FAAP20: variants seen among roughly 807,000 people sequenced by gnomAD.
FAAP20 encodes the protein Fanconi anemia core complex-associated protein 20.
A neutral mutation model predicts 16.2 loss-of-function variants in FAAP20; 12 were observed. That is an observed-to-expected ratio of 0.74 (90% CI 0.48 to 1.20). The LOEUF is 1.20. Among genes scored for constraint, FAAP20 ranks in the 50% most tolerant of loss-of-function variants. The pLI, the probability that FAAP20 is intolerant of heterozygous loss-of-function variation, is 0.00. For missense variants in FAAP20, 288 were observed against 245.8 expected (o/e 1.17, Z -1.15); for synonymous variants, 141 against 110.7 (o/e 1.27, Z -1.72).
upstream of FAAP20, chr1:2,198,792 T>C: frequency 7.8e-7 from 1 of 1,289,446 alleles, no homozygotes; most frequent in Admixed American, 2.3e-5. Flanking sequence ...GGCAGCCTTC[T>C]GACGCAGCCA....
chr1:2,189,487 T>C, downstream of FAAP20: 1 of 589,616 alleles, frequency 1.7e-6, no homozygotes, highest in East Asian at 2.8e-5. Context: ...CTGTGTCTGG[T>C]TCTGATTGCA....
chr1:2,211,145 T>C (rs1187545347), downstream of FAAP20, among the ~76,000 whole-genome samples: 1 of 151,942 alleles, frequency 6.6e-6, no homozygotes, highest in African/African-American at 2.4e-5. Context: ...ACTCTGGCCA[T>C]CTGTGGGCTC....
At chr1:2,187,102 G>T, downstream of FAAP20, 4 of 459,090 alleles carry the variant, frequency 8.7e-6, no homozygotes, top group Admixed American at 2.5e-5. Context: ...CGTGGGCGTG[G>T]TGCGGGGCAA....
At chr1:2,209,477 T>C (rs1689375820), downstream of FAAP20, among the ~76,000 whole-genome samples, 2 of 152,206 alleles carry the variant, frequency 1.3e-5, no homozygotes, top group African/African-American at 2.4e-5. Context: ...TAGGGAGGCA[T>C]GTAGTCAACT....
chr1:2,184,855 G>T, downstream of FAAP20: 1 of 1,467,294 alleles, frequency 6.8e-7, no homozygotes. Flanking sequence ...ATGCGAACGT[G>T]ACTCCGCTTC....
At chr1:2,211,169 C>T (rs1689423310), downstream of FAAP20, among the ~76,000 whole-genome samples, 1 of 151,718 alleles carries the variant, frequency 6.6e-6, no homozygotes, top group African/African-American at 2.4e-5. Flanking sequence ...GGGCCCCTGC[C>T]GCCATGCCAC....
chr1:2,186,384 G>C, downstream of FAAP20: 1 of 175,148 alleles, frequency 5.7e-6, no homozygotes, highest in Middle Eastern at 2.7e-3. Flanking sequence ...TCCGTGCCTG[G>C]CGCTCAGCAC....
chr1:2,199,239 C>T (rs571859213), upstream of FAAP20: 4 of 1,154,404 alleles, frequency 3.5e-6, no homozygotes, highest in Non-Finnish European at 4.3e-6. This position sits in a 1 kb window ranked among gnomAD's most constrained non-coding sequence, Gnocchi z 4.5. Flanking sequence ...TCCCCAGCAC[C>T]CCTTCAAGCA....
rs2100687922 is a variant in FAAP20, at chr1:2,193,800, C to G, written c.309G>C (p.Leu103=). Residue 103 remains leucine, a synonymous_variant, in exon 3 of 4, where the codon CTG becomes CTC. Coordinates refer to ENST00000378546, the MANE Select transcript of FAAP20 (RefSeq NM_182533.4). ...CCAGGTGCCCTCCTGCCCCGTGAAGCAGCCGGTAGGAACGGCCCGGGCCCC... is the reference window on the plus strand; with the variant it reads ...CCAGGTGCCCTCCTGCCCCGTGAAGGAGCCGGTAGGAACGGCCCGGGCCCC... The part of the protein sequence containing the change: ...DLWGPGRSYR[L]LHGAGGHLES... 1 of 1,603,776 alleles carries G rather than the reference C, an allele frequency of 6.2e-7. No individual in the cohort carries two copies. The highest frequency in any genetic ancestry group is 1.3e-5 in the African/African-American group (1 of 74,290).
downstream of FAAP20, chr1:2,185,115 G>A (rs2100599493): frequency 2.7e-6 from 3 of 1,126,034 alleles, no homozygotes; most frequent in South Asian, 2.8e-5. Context: ...GGCGGCCAGG[G>A]ACAGACGCTT....
At chr1:2,201,944 G>T (rs1402014445), upstream of FAAP20, among the ~76,000 whole-genome samples, 1 of 151,124 alleles carries the variant, frequency 6.6e-6, no homozygotes, top group East Asian at 1.9e-4. Flanking sequence ...GTGAACCCGG[G>T]AGGCGGAGCT....
chr1:2,189,026 AAAC>A (rs1687864258), downstream of FAAP20, among the ~76,000 whole-genome samples: 4 of 144,848 alleles, frequency 2.8e-5, no homozygotes, highest in African/African-American at 7.7e-5. Context: ...AAAAAAAAAA[AAAC>A]AAAAAGAACG....
At chr1:2,189,404 C>G, downstream of FAAP20, 1 of 419,944 alleles carries the variant, frequency 2.4e-6, no homozygotes, top group Non-Finnish European at 4.4e-6. Flanking sequence ...GTTAGGAAAA[C>G]GAGCTACCCT....
Position 2,190,602 on chromosome 1 carries a change from G to A in FAAP20, c.471-821C>T, listed in dbSNP as rs1056643900. 6 of 357,688 alleles carry A rather than the reference G, an allele frequency of 1.7e-5. No individual in the cohort carries two copies. In the East Asian group the frequency reaches 2.2e-4, roughly 13 times the overall value. The allele number at this position is 357,688 out of a possible 1,614,324, so 22.2% of individuals were successfully genotyped here. On this transcript the variant is annotated intron_variant, in intron 3 of 3. Transcript: ENST00000378546. ...TTGACTTCCGGCCATGACTCCCGGA[G>A]AGTGCCGGAGCTGGCGTGCTCAGCA... is the stretch of plus-strand genomic sequence containing the variant.
At chr1:2,187,328 A>G (rs953043471), downstream of FAAP20, 10 of 374,306 alleles carry the variant, frequency 2.7e-5, no homozygotes, top group Middle Eastern at 9.0e-4. Flanking sequence ...TTTTTGAGAC[A>G]GAGTATTACT....
chr1:2,189,018 A>AG (rs1178930653), downstream of FAAP20, among the ~76,000 whole-genome samples: 10 of 141,560 alleles, frequency 7.1e-5, no homozygotes, highest in African/African-American at 1.9e-4. Context: ...AAAGAAAAAA[A>AG]AAAAAAAAAA....
chr1:2,189,410 A>AC (rs1215539867), downstream of FAAP20: 2 of 464,430 alleles, frequency 4.3e-6, no homozygotes, highest in East Asian at 3.8e-5. Context: ...AAAACGAGCT[A>AC]CCCTCAGCCC....
intron 3 of FAAP20, chr1:2,192,295 C>G (rs1273772508): frequency 1.8e-5 from 18 of 986,398 alleles, no homozygotes; most frequent in Non-Finnish European, 2.2e-5. Flanking sequence ...TCCAAAGTAC[C>G]GGCTCTCCCT....
chr1:2,193,505 C>T (rs557015145), intron 3 of FAAP20, 134 bp downstream of exon 3: 3 of 1,380,380 alleles, frequency 2.2e-6, no homozygotes, highest in African/African-American at 1.5e-5. Flanking sequence ...GGCCACAGCA[C>T]TGGGCCACCT....
Sources: gnomAD v4.1 joint callset for allele counts (sites outside exome capture counted in the v4.1 genomes callset) on GRCh38, gnomAD v4.1.1 for gene constraint, Gnocchi (gnomAD v3.1) non-coding constraint, MANE v1.5 for transcripts, NCBI Gene and HGNC (gene_info 2026-07-23, HGNC 2026-07-21) for gene names.